Variants in MYO16 observed in about 807,000 individuals in gnomAD.
MYO16 encodes the protein unconventional myosin-XVI.
Under a neutral mutation model 205.3 loss-of-function variants are expected in MYO16, and 94 were observed. The observed-to-expected ratio is 0.46, with a 90% CI of 0.39 to 0.54. MYO16 has a LOEUF of 0.54. Among genes scored for constraint, MYO16 ranks in the 20% least tolerant of loss-of-function variants. MYO16 has a pLI of 0.00. For synonymous variants in MYO16, 988 were observed against 954.0 expected, an observed-to-expected ratio of 1.04 and a Z score of -0.66; for missense variants, 2,315 against 2,387.5, an observed-to-expected ratio of 0.97 and a Z score of 0.63.
intron 1 of MYO16, among the ~76,000 whole-genome samples, chr13:108,603,284 C>G (rs1045163657): frequency 1.3e-5 from 2 of 152,066 alleles, no homozygotes; most frequent in African/African-American, 4.8e-5. Flanking sequence ...TTTGATCAAT[C>G]TTGGAGGCAT....
At chr13:108,863,226 C>T (rs10161974) in intron 11 of MYO16, among the ~76,000 whole-genome samples, 4,689 of 152,054 alleles carry the variant, frequency 0.031, 209 homozygotes, top group African/African-American at 0.11. Flanking sequence ...TAGAACTTCA[C>T]TAAAAAGACT....
chr13:109,048,344 G>C, intron 24 of MYO16: 2 of 756,182 alleles, frequency 2.6e-6, no homozygotes, highest in East Asian at 2.4e-5. Flanking sequence ...TTAGGAGGAA[G>C]GTGCTTCTGA....
Position 108,810,911 on chromosome 13 carries a change from T to C in MYO16, c.867+4107T>C, listed in dbSNP as rs145464378. On this transcript the variant is annotated intron_variant, in intron 7 of 34. Coordinates refer to ENST00000457511, the MANE Select transcript of MYO16 (RefSeq NM_001198950.3). ...ATATTTTAAAACTGCCTTTTATAAA[T>C]ATATTAACTTTTGCAATGGAAAACA... 4.5e-3 allele frequency among the ~76,000 whole-genome samples: 687 copies of C among 152,300 alleles called. 4 individuals are homozygous for C. The highest frequency in any genetic ancestry group is 0.015 in the African/African-American group (631 of 41,586).
At chr13:108,679,030 G>T (rs1882345662) in intron 2 of MYO16, among the ~76,000 whole-genome samples, 1 of 152,146 alleles carries the variant, frequency 6.6e-6, no homozygotes, top group Non-Finnish European at 1.5e-5. Context: ...GAATCCCATT[G>T]ATGAGCAATC....
At chr13:108,516,200 C>T in the MYO16 span, among the ~76,000 whole-genome samples, 1 of 152,214 alleles carries the variant, frequency 6.6e-6, no homozygotes, top group African/African-American at 2.4e-5. Flanking sequence ...TTAAGCCGGT[C>T]TGAAAAGCGC....
intron 6 of MYO16, among the ~76,000 whole-genome samples, chr13:108,796,099 CCAGAT>C (rs1886780874): frequency 6.6e-6 from 1 of 152,056 alleles, no homozygotes; most frequent in Non-Finnish European, 1.5e-5. Flanking sequence ...GGCGCTGGGA[CCAGAT>C]CACACAAGCT....
intron 10 of MYO16, among the ~76,000 whole-genome samples, chr13:108,849,166 T>C (rs564963135): frequency 2.0e-4 from 28 of 143,164 alleles, no homozygotes; most frequent in Non-Finnish European, 3.1e-4. Context: ...CAACACGAAG[T>C]TTTTTTCTGT....
intron 2 of MYO16, among the ~76,000 whole-genome samples, chr13:108,704,675 C>T (rs1883435663): frequency 6.6e-6 from 1 of 152,018 alleles, no homozygotes; most frequent in Non-Finnish European, 1.5e-5. Context: ...GATAAACCTA[C>T]ATTGACACAA....
In MYO16 at chr13:109,062,727, G is replaced by A. The variant is rs541547339; in HGVS notation, c.3335+7132G>A. Among the ~76,000 whole-genome samples, 379 of 152,150 alleles carry A rather than the reference G, an allele frequency of 2.5e-3. 1 individual carries two copies. Among genetic ancestry groups the A allele is most frequent in the African/African-American group, 8.5e-3 (354 of 41,534 alleles). Reference sequence around the variant, plus strand: ...CAAAATACTGTTACATCAAGAAATAGCATATTTTAGTATTTCTTGAGTATT... The same window carrying A: ...CAAAATACTGTTACATCAAGAAATAACATATTTTAGTATTTCTTGAGTATT... On this transcript the variant is annotated intron_variant, in intron 27 of 34. Coordinates refer to ENST00000457511, the MANE Select transcript of MYO16 (RefSeq NM_001198950.3).
At chr13:109,128,984 C>G (rs557587056) in intron 31 of MYO16, among the ~76,000 whole-genome samples, 2 of 151,446 alleles carry the variant, frequency 1.3e-5, no homozygotes, top group South Asian at 4.2e-4. Context: ...GTTGGCCAGG[C>G]TGGTCTTGAA....
intron 5 of MYO16, among the ~76,000 whole-genome samples, chr13:108,792,071 A>G (rs906090657): frequency 2.0e-5 from 3 of 152,162 alleles, no homozygotes; most frequent in Non-Finnish European, 4.4e-5. Context: ...GTAAATACAT[A>G]TTTTGTTCAG....
At chr13:109,199,195 TATATATATATATATATATATATATATA>T (rs577025814) in intron 34 of MYO16, among the ~76,000 whole-genome samples, 788 of 3,208 alleles carry the variant, frequency 0.25, 37 homozygotes, top group African/African-American at 0.44. Flanking sequence ...AAAAAAGGTA[TATATATATATATATATATATATATATA>T]TATATATATA....
In MYO16 at chr13:109,079,999, C is replaced by T. The variant is rs963129384; in HGVS notation, c.3336-20786C>T. On this transcript the variant is annotated intron_variant, in intron 27 of 34. Transcript: ENST00000457511. Reference sequence around the variant, plus strand: ...CAAGCGATTCTCCTGCCTTAGCCTCCTGAGTAGCTAGGATTACAGGTGCCT... The same window carrying T: ...CAAGCGATTCTCCTGCCTTAGCCTCTTGAGTAGCTAGGATTACAGGTGCCT... 2.0e-4 allele frequency among the ~76,000 whole-genome samples: 30 copies of T among 151,616 alleles called. 1 individual carries two copies. Among genetic ancestry groups the T allele is most frequent in the Non-Finnish European group, 2.6e-4 (18 of 67,954 alleles).
At position 108,806,669 on chromosome 13, in the gene MYO16, T is replaced by C; in HGVS notation, c.742-10T>C. On this transcript the variant is annotated splice_polypyrimidine_tract_variant and intron_variant, in intron 6 of 34. Transcript: ENST00000457511. ...AAAAAAATGAATAATAAGATGTCTC[T>C]TCGCTGCAGTTACACATGGCGTGTG... 2 of 1,611,378 alleles carry C rather than the reference T, an allele frequency of 1.2e-6. No individual in the cohort carries two copies.
rs140944207 is a variant in MYO16 at position 108,719,052 on chromosome 13, G to T, written c.363+6321G>T. On this transcript the variant is annotated intron_variant, in intron 3 of 34. Transcript: ENST00000457511. ...GCTCTGCATCAGATGATCTAAGAAA[G>T]GCCCCAGTGAAGATAGCAACTAGAT... is the stretch of plus-strand genomic sequence containing the variant. 7.2e-4 allele frequency among the ~76,000 whole-genome samples: 109 copies of T among 152,154 alleles called. No homozygotes were observed. In the East Asian group the frequency reaches 0.018, roughly 25 times the overall value.
chr13:108,920,353 T>A (rs1881687096), intron 16 of MYO16, among the ~76,000 whole-genome samples: 1 of 151,940 alleles, frequency 6.6e-6, no homozygotes, highest in African/African-American at 2.4e-5. Flanking sequence ...TTCTTTCTTT[T>A]TTCTTTCTTT....
At chr13:108,547,115 A>G in the MYO16 span, among the ~76,000 whole-genome samples, 1 of 151,984 alleles carries the variant, frequency 6.6e-6, no homozygotes, top group South Asian at 2.1e-4. Flanking sequence ...TACTAAAAAT[A>G]CAAAAAATTA....
At chr13:109,145,789 A>T (rs1345441501) in intron 32 of MYO16, among the ~76,000 whole-genome samples, 1 of 152,228 alleles carries the variant, frequency 6.6e-6, no homozygotes, top group East Asian at 1.9e-4. Flanking sequence ...GGTTGAGTTT[A>T]TCCAGAATAA....
chr13:108,992,813 T>G (rs575300758), intron 21 of MYO16, among the ~76,000 whole-genome samples: 1 of 152,306 alleles, frequency 6.6e-6, no homozygotes, highest in East Asian at 1.9e-4. Flanking sequence ...ATGAAAATGC[T>G]CTGTTATGCT....
Sources: gnomAD v4.1 joint callset for allele counts (sites outside exome capture counted in the v4.1 genomes callset) on GRCh38, gnomAD v4.1.1 for gene constraint, MANE v1.5 for transcripts, NCBI Gene and HGNC (gene_info 2026-07-23, HGNC 2026-07-21) for gene names.